The following HMCES variants were observed in gnomAD, a reference collection of about 807,000 sequenced individuals.
HMCES encodes 5-hydroxymethylcytosine binding, ES cell specific.
HMCES carries 27 observed loss-of-function variants against 35.1 expected under a neutral mutation model. That is an observed-to-expected ratio of 0.77 (90% confidence interval 0.57 to 1.06). The LOEUF (loss-of-function observed/expected upper bound fraction) is 1.06, where lower values mean the gene tolerates loss of function less well. HMCES is among the 50% of genes least tolerant of loss of function. The pLI, the probability that HMCES is intolerant of heterozygous loss-of-function variation, is 0.00. For missense variants in HMCES, 391 were observed against 430.4 expected, an observed-to-expected ratio of 0.91 and a Z score of 0.81; for synonymous variants, 130 against 154.7, an observed-to-expected ratio of 0.84 and a Z score of 1.18.
intron 5 of HMCES, among the ~76,000 whole-genome samples, chr3:129,301,293 TCAC>T (rs1424444005): frequency 2.0e-5 from 3 of 152,120 alleles, no homozygotes; most frequent in Non-Finnish European, 4.4e-5. Context: ...TTAATCTAAA[TCAC>T]CATTCATTTA....
rs182271089 is a variant in HMCES, at chr3:129,295,713, T to C, written c.454-2641T>C. Among the ~76,000 whole-genome samples the C allele has an allele frequency of 2.9e-3, 436 of 152,334 alleles. 7 individuals carry two copies. The highest frequency in any genetic ancestry group is 0.025 in the Admixed American group (377 of 15,298). On this transcript the variant is annotated intron_variant, in intron 4 of 6. Transcript: ENST00000383463. ...AAGTCTAGTGTATAACTGTCTTTTT[T>C]CTTTTGTATGTAATGCATAAATGTG...
intron 2 of HMCES, among the ~76,000 whole-genome samples, chr3:129,285,123 C>CT (rs1252876159): frequency 1.3e-5 from 2 of 152,150 alleles, no homozygotes; most frequent in African/African-American, 4.8e-5. Flanking sequence ...ACTTGGAACT[C>CT]TGCTTTTACC....
rs531939596 is a variant in HMCES, at chr3:129,305,332, A to C, written c.*507A>C. The C allele has an allele frequency of 9.8e-5, 15 of 153,474 alleles. No homozygotes were observed. Among genetic ancestry groups the C allele is most frequent in the African/African-American group, 2.9e-4 (12 of 41,514 alleles). 9.5% of individuals were successfully genotyped at this position (153,474 alleles called of 1,614,324 possible). ...TTTGGAAAGTGATGCTGGTGGGGAA[A>C]GTTCTAGATCTTACTTGGTTTCTTC... On this transcript the variant is annotated 3_prime_UTR_variant, in exon 7 of 7. Transcript: ENST00000383463.
At chr3:129,286,271 T>A (rs1196815381) in intron 2 of HMCES, among the ~76,000 whole-genome samples, 1 of 152,230 alleles carries the variant, frequency 6.6e-6, no homozygotes, top group East Asian at 1.9e-4. Context: ...AAAGCCCTCA[T>A]GACTGGGATT....
chr3:129,279,763 A>G lies in HMCES; in HGVS notation c.31A>G (p.Arg11Gly). 5 of 1,613,036 alleles carry G rather than the reference A, an allele frequency of 3.1e-6. No homozygotes were observed. Among genetic ancestry groups the G allele is most frequent in the Non-Finnish European group, 4.2e-6 (5 of 1,179,590 alleles). Reference sequence around the variant, plus strand: ...TGGGCGAACATCCTGTCACTTACCTAGAGATGTTCTCACGAGAGCTTGCGC... The same window carrying G: ...TGGGCGAACATCCTGTCACTTACCTGGAGATGTTCTCACGAGAGCTTGCGC... MCGRTSCHLPRDVLTRACAYQ... is the reference protein window; with the variant it reads MCGRTSCHLPGDVLTRACAYQ... The change falls in exon 2 of 7, where the codon AGA becomes GGA. Residue 11 changes from arginine to glycine, a missense_variant. Coordinates refer to ENST00000383463, the MANE Select transcript of HMCES (RefSeq NM_020187.3). The surrounding 1 kb of genome is among the most constrained non-coding windows in gnomAD (Gnocchi z 4.2).
At chr3:129,298,638 C>A in intron 5 of HMCES, 103 bp downstream of exon 5, 1 of 945,744 alleles carries the variant, frequency 1.1e-6, no homozygotes, top group Non-Finnish European at 1.6e-6. Context: ...CATTTTACAA[C>A]GTAAAGTTAC....
chr3:129,287,114 C>T (rs144674105), intron 2 of HMCES, among the ~76,000 whole-genome samples: 6 of 152,288 alleles, frequency 3.9e-5, no homozygotes, highest in Non-Finnish European at 8.8e-5. Flanking sequence ...CTTATGTTTT[C>T]CTTCCTGTGG....
chr3:129,301,328 C>T (rs1258061801), intron 5 of HMCES, among the ~76,000 whole-genome samples: 2 of 151,770 alleles, frequency 1.3e-5, no homozygotes, highest in Admixed American at 6.6e-5. Context: ...TTATTTTATA[C>T]ATTACAGTAT....
At chr3:129,302,250 T>G (rs1445849294) in intron 6 of HMCES, 108 bp downstream of exon 6, 66 of 921,554 alleles carry the variant, frequency 7.2e-5, no homozygotes, top group Non-Finnish European at 9.9e-5. Flanking sequence ...ATTTGGACCA[T>G]CAAAAGCTCT....
intron 2 of HMCES, among the ~76,000 whole-genome samples, chr3:129,288,496 AC>A (rs1384674504): frequency 6.6e-6 from 1 of 151,248 alleles, no homozygotes; most frequent in Non-Finnish European, 1.5e-5. Context: ...GGAGTTCAAG[AC>A]CAGCCTGGGC....
At chr3:129,294,214 C>G (rs987611994) in intron 4 of HMCES, among the ~76,000 whole-genome samples, 2 of 151,900 alleles carry the variant, frequency 1.3e-5, no homozygotes, top group African/African-American at 4.8e-5. Flanking sequence ...GTCAGGAGAT[C>G]AAGACCATCG....
At chr3:129,284,985 A>G (rs971241362) in intron 2 of HMCES, among the ~76,000 whole-genome samples, 4 of 152,228 alleles carry the variant, frequency 2.6e-5, no homozygotes, top group African/African-American at 7.2e-5. Context: ...CAGCAGCACT[A>G]TGGAGGGATT....
At chr3:129,300,441 A>T (rs1179920575) in intron 5 of HMCES, among the ~76,000 whole-genome samples, 1 of 152,162 alleles carries the variant, frequency 6.6e-6, no homozygotes, top group African/African-American at 2.4e-5. Flanking sequence ...TTTAAACATA[A>T]GCATTGGCAG....
Position 129,306,050 on chromosome 3 carries a change from G to A in HMCES, c.*1225G>A, listed in dbSNP as rs1209533001. 2.0e-5 allele frequency: 3 copies of A among 152,268 alleles called. No individual in the cohort carries two copies. The highest frequency in any genetic ancestry group is 4.4e-5 in the Non-Finnish European group (3 of 68,052). 9.4% of individuals were successfully genotyped at this position (152,268 alleles called of 1,614,324 possible). ...GTACACTCAGTCACCCTGCACTGTGGAGGCGGGGGCCTCCCTTGTGGACTG... is the reference window on the plus strand; with the variant it reads ...GTACACTCAGTCACCCTGCACTGTGAAGGCGGGGGCCTCCCTTGTGGACTG... On this transcript the variant is annotated 3_prime_UTR_variant, in exon 7 of 7. Transcript: ENST00000383463.
chr3:129,292,644 C>T (rs1262683151), intron 4 of HMCES, among the ~76,000 whole-genome samples: 1 of 151,748 alleles, frequency 6.6e-6, no homozygotes, highest in Non-Finnish European at 1.5e-5. Context: ...AGGCGTGTGC[C>T]ACCAGGCCCG....
At chr3:129,296,841 T>G (rs2071099225) in intron 4 of HMCES, among the ~76,000 whole-genome samples, 1 of 152,116 alleles carries the variant, frequency 6.6e-6, no homozygotes, top group Admixed American at 6.5e-5. Flanking sequence ...CTCGGCTCAC[T>G]GCAAGCTCCG....
chr3:129,282,661 C>T (rs896741054), intron 2 of HMCES, among the ~76,000 whole-genome samples: 2 of 152,130 alleles, frequency 1.3e-5, no homozygotes, highest in Admixed American at 6.5e-5. Flanking sequence ...TTTTCTCAGA[C>T]CTATAAATTA....
At position 129,290,672 on chromosome 3, in the gene HMCES, C is replaced by T; in HGVS notation, c.328-7C>T. 5 of 1,610,278 alleles carry T rather than the reference C, an allele frequency of 3.1e-6. No homozygotes were observed. The highest frequency in any genetic ancestry group is 4.2e-6 in the Non-Finnish European group (5 of 1,177,450). On this transcript the variant is annotated splice_polypyrimidine_tract_variant and splice_region_variant and intron_variant, in intron 3 of 6. Coordinates refer to ENST00000383463, the MANE Select transcript of HMCES (RefSeq NM_020187.3). The stretch of plus-strand genomic sequence containing the variant: ...TAAGACCATATCTTGCTCACATTTT[C>T]CCTCAGGTGCCTCTGGGAAAGGGAA...
rs937387488 is a variant in HMCES, at chr3:129,301,967, A to G, written c.653A>G (p.Asp218Gly). The G allele has an allele frequency of 1.2e-6, 2 of 1,613,412 alleles. No homozygotes were observed. Among genetic ancestry groups the G allele is most frequent in the Non-Finnish European group, 1.7e-6 (2 of 1,179,710 alleles). The part of the protein sequence containing the change: ...DIHHRMPAIL[D>G]GEEAVSKWLD... ...CTGGCCAGGATGCCTGCCATATTAG[A>G]TGGAGAGGAGGCAGTTTCTAAATGG... is the stretch of plus-strand genomic sequence containing the variant. The change falls in exon 6 of 7, where the codon GAT becomes GGT. Residue 218 changes from aspartate to glycine, a missense_variant. By Grantham distance (94) the Asp-to-Gly change is moderately conservative. Transcript: ENST00000383463.
Sources: gnomAD v4.1 joint callset for allele counts (sites outside exome capture counted in the v4.1 genomes callset) on GRCh38, gnomAD v4.1.1 for gene constraint, Gnocchi (gnomAD v3.1) non-coding constraint, MANE v1.5 for transcripts, NCBI Gene and HGNC (gene_info 2026-07-23, HGNC 2026-07-21) for gene names.